TMEM245: variants seen among roughly 807,000 people sequenced by gnomAD.
TMEM245 encodes the protein protein CG-2.
In TMEM245, 69 loss-of-function variants were observed where a neutral mutation model predicts 101.2. The ratio of observed to expected loss-of-function variants is 0.68; its 90% CI spans 0.56 to 0.83. The LOEUF is 0.83. Among genes scored for constraint, TMEM245 ranks in the 40% least tolerant of loss-of-function variants. The pLI, the probability that TMEM245 is intolerant of heterozygous loss-of-function variation, is 0.00. For synonymous variants in TMEM245, 537 were observed against 449.8 expected (o/e 1.19, Z -2.45); for missense variants, 1,075 against 1,092.8 (o/e 0.98, Z 0.23).
At chr9:109,040,965 G>A (rs1490409774) in intron 14 of TMEM245, among the ~76,000 whole-genome samples, 2 of 152,284 alleles carry the variant, frequency 1.3e-5, no homozygotes, top group East Asian at 1.9e-4. Flanking sequence ...TAGGAGTGGA[G>A]ATACTGGGTC....
chr9:109,030,270 G>C (rs1415768022), intron 17 of TMEM245, among the ~76,000 whole-genome samples: 1 of 152,116 alleles, frequency 6.6e-6, no homozygotes, highest in Non-Finnish European at 1.5e-5. Context: ...ATTTTTCACT[G>C]AGTTTTGTAG....
intron 3 of TMEM245, among the ~76,000 whole-genome samples, chr9:109,103,750 G>A (rs1280095978): frequency 6.6e-6 from 1 of 152,072 alleles, no homozygotes; most frequent in Non-Finnish European, 1.5e-5. Context: ...TAGTGAGAGG[G>A]TACGGGGAAG....
intron 3 of TMEM245, among the ~76,000 whole-genome samples, chr9:109,105,773 T>C (rs1487906179): frequency 6.6e-6 from 1 of 152,108 alleles, no homozygotes; most frequent in Non-Finnish European, 1.5e-5. Context: ...ACATATTGTA[T>C]GCCTGTTTTT....
chr9:109,040,294 A>G (rs1235769653), intron 14 of TMEM245, among the ~76,000 whole-genome samples: 1 of 152,122 alleles, frequency 6.6e-6, no homozygotes, highest in Non-Finnish European at 1.5e-5. Context: ...ACAGAATTTA[A>G]CTCCCTCAAA....
chr9:109,052,193 C>G (rs1828706686), intron 12 of TMEM245, among the ~76,000 whole-genome samples: 1 of 152,112 alleles, frequency 6.6e-6, no homozygotes, highest in African/African-American at 2.4e-5. Context: ...ATGAAAAATA[C>G]AAAAACAAAA....
chr9:109,072,789 TGAGCCCAG>T (rs1487355496), intron 9 of TMEM245, among the ~76,000 whole-genome samples: 1 of 152,234 alleles, frequency 6.6e-6, no homozygotes, highest in African/African-American at 2.4e-5. Context: ...GAGAACTGCT[TGAGCCCAG>T]GAGTTCAAGA....
chr9:109,073,869 T>TG (rs992723968), intron 8 of TMEM245, among the ~76,000 whole-genome samples: 11 of 149,654 alleles, frequency 7.4e-5, no homozygotes, highest in Non-Finnish European at 1.2e-4. Context: ...TTTTTTTTTT[T>TG]TTTTTTAGCC....
At chr9:109,058,904 A>G (rs1828927767) in intron 11 of TMEM245, among the ~76,000 whole-genome samples, 1 of 152,170 alleles carries the variant, frequency 6.6e-6, no homozygotes, top group Non-Finnish European at 1.5e-5. Context: ...CCAGGCCCAG[A>G]CAACAAATAT....
chr9:109,101,909 T>G (rs2132619328), intron 3 of TMEM245, among the ~76,000 whole-genome samples: 1 of 152,316 alleles, frequency 6.6e-6, no homozygotes, highest in African/African-American at 2.4e-5. Context: ...TGACTAGAAT[T>G]TACACCGTAG....
At chr9:109,115,478 C>T (rs1220196338) in intron 1 of TMEM245, among the ~76,000 whole-genome samples, 1 of 147,044 alleles carries the variant, frequency 6.8e-6, no homozygotes, top group Non-Finnish European at 1.5e-5. Flanking sequence ...TTCTAGATGA[C>T]TAGAATGCTG....
At chr9:109,096,266 C>T (rs1056377190) in intron 3 of TMEM245, among the ~76,000 whole-genome samples, 2 of 152,166 alleles carry the variant, frequency 1.3e-5, no homozygotes, top group African/African-American at 4.8e-5. Flanking sequence ...TACCTGAGGC[C>T]AGGAGTTCGA....
intron 1 of TMEM245, among the ~76,000 whole-genome samples, chr9:109,115,233 G>C (rs1019690275): frequency 6.6e-6 from 1 of 152,050 alleles, no homozygotes; most frequent in Non-Finnish European, 1.5e-5. Context: ...TGTAATCCCA[G>C]CTACTTGGGA....
chr9:109,074,982 G>A (rs1050960737), intron 8 of TMEM245, among the ~76,000 whole-genome samples: 7 of 152,180 alleles, frequency 4.6e-5, no homozygotes, highest in African/African-American at 1.7e-4. Flanking sequence ...CTAGCATTTT[G>A]TGGGATATGG....
intron 11 of TMEM245, among the ~76,000 whole-genome samples, chr9:109,058,549 T>C (rs920207065): frequency 2.0e-5 from 3 of 152,140 alleles, no homozygotes; most frequent in South Asian, 2.1e-4. Context: ...CCAGGCAACA[T>C]AGTGAGATCC....
At chr9:109,111,625 G>A (rs542674848) in intron 1 of TMEM245, among the ~76,000 whole-genome samples, 43 of 152,126 alleles carry the variant, frequency 2.8e-4, no homozygotes, top group Non-Finnish European at 3.2e-4. Context: ...ACACTGTGCA[G>A]ACACATATAA....
intron 14 of TMEM245, among the ~76,000 whole-genome samples, chr9:109,040,829 A>T (rs1041886483): frequency 2.8e-4 from 42 of 152,002 alleles, no homozygotes; most frequent in African/African-American, 9.9e-4. Context: ...CAACTTGCTT[A>T]TCCATTCACC....
At chr9:109,083,922 A>ACAAAAAC (rs1332172608) in intron 7 of TMEM245, among the ~76,000 whole-genome samples, 1 of 142,548 alleles carries the variant, frequency 7.0e-6, no homozygotes, top group East Asian at 2.0e-4. Flanking sequence ...AAAAAAAAAA[A>ACAAAAAC]AAAAAAACAC....
rs753853730 is a variant in TMEM245, at chr9:109,090,914, A to G, written c.1150+8T>C. ...ACAAGACGAGATCGTACTTAACCAGATAACGACCTGCAATCGGCACTGGCA... is the reference window on the plus strand; with the variant it reads ...ACAAGACGAGATCGTACTTAACCAGGTAACGACCTGCAATCGGCACTGGCA... On this transcript the variant is annotated splice_region_variant and intron_variant, in intron 5 of 17. Coordinates refer to ENST00000374586, the MANE Select transcript of TMEM245 (RefSeq NM_032012.4). The G allele has an allele frequency of 4.3e-6, 7 of 1,613,638 alleles. No homozygotes were observed. In the South Asian group the frequency reaches 4.4e-5, roughly 10 times the overall value.
intron 8 of TMEM245, among the ~76,000 whole-genome samples, chr9:109,080,017 T>C (rs551203743): frequency 1.6e-4 from 24 of 152,088 alleles, no homozygotes; most frequent in Admixed American, 1.3e-3. Flanking sequence ...AGACTAAGAA[T>C]AGGACTTCCA....
Sources: gnomAD v4.1 joint callset for allele counts (sites outside exome capture counted in the v4.1 genomes callset) on GRCh38, gnomAD v4.1.1 for gene constraint, MANE v1.5 for transcripts, NCBI Gene and HGNC (gene_info 2026-07-23, HGNC 2026-07-21) for gene names.